ERG: variants seen among roughly 807,000 people sequenced by gnomAD.
ERG encodes the protein transcriptional regulator ERG.
A neutral mutation model predicts 55.3 loss-of-function variants in ERG; 9 were observed. The ratio of observed to expected loss-of-function variants is 0.16; its 90% CI spans 0.10 to 0.28. ERG has a LOEUF of 0.28. Among genes scored for constraint, ERG ranks in the 10% least tolerant of loss-of-function variants. The pLI is 1.00. For synonymous variants in ERG, 223 were observed against 237.3 expected (o/e 0.94, Z 0.55); for missense variants, 434 against 631.6 (o/e 0.69, Z 3.35).
intron 2 of ERG, among the ~76,000 whole-genome samples, chr21:38,567,643 G>A (rs1442039880): frequency 6.6e-6 from 1 of 152,188 alleles, no homozygotes; most frequent in African/African-American, 2.4e-5. Context: ...ACCTTCCTGT[G>A]AAGCACAGTT....
At chr21:38,527,585 T>G (rs868491131) in intron 2 of ERG, among the ~76,000 whole-genome samples, 1 of 152,144 alleles carries the variant, frequency 6.6e-6, no homozygotes, top group South Asian at 2.1e-4. Context: ...GAGGCGTTGA[T>G]TGCAGTTTTC....
chr21:38,655,781 C>T (rs2060515390), intron 1 of ERG, among the ~76,000 whole-genome samples: 2 of 152,148 alleles, frequency 1.3e-5, no homozygotes, highest in Non-Finnish European at 2.9e-5. Flanking sequence ...GACTCTACCT[C>T]AGCATCCAGT....
chr21:38,594,040 A>G (rs914670757), intron 1 of ERG, among the ~76,000 whole-genome samples: 7 of 152,228 alleles, frequency 4.6e-5, no homozygotes, highest in Non-Finnish European at 8.8e-5. Flanking sequence ...ACCAACAGGA[A>G]AAGGTTTCCT....
At chr21:38,450,575 C>T (rs537118020) in intron 1 of ERG, among the ~76,000 whole-genome samples, 6 of 152,188 alleles carry the variant, frequency 3.9e-5, no homozygotes, top group South Asian at 2.1e-4. Flanking sequence ...CATATAACCA[C>T]GCAGAATTTG....
At chr21:38,515,428 A>C (rs2059544518) in intron 2 of ERG, among the ~76,000 whole-genome samples, 1 of 151,942 alleles carries the variant, frequency 6.6e-6, no homozygotes, top group Non-Finnish European at 1.5e-5. Context: ...TTGGATAGGA[A>C]AAAAAATCTC....
At chr21:38,643,230 G>T (rs1394671288) in intron 1 of ERG, among the ~76,000 whole-genome samples, 1 of 152,200 alleles carries the variant, frequency 6.6e-6, no homozygotes, top group Non-Finnish European at 1.5e-5. Flanking sequence ...GTAGCAATCA[G>T]GCAGGATACC....
rs770873914 is a variant in ERG, at chr21:38,445,535, C to T, written c.105G>A (p.Ala35=). The change falls in exon 2 of 10, where the codon GCG becomes GCA. Residue 35 remains alanine, a synonymous_variant. Transcript: ENST00000288319. Reference sequence around the variant, plus strand: ...TCTGTCCATAGTCGCTGGAGGAGGACGCGGTCATCTCTGTCTTAGCCAGGT... The same window carrying T: ...TCTGTCCATAGTCGCTGGAGGAGGATGCGGTCATCTCTGTCTTAGCCAGGT... ...TPHLAKTEMT[A]SSSSDYGQTS... The T allele has an allele frequency of 9.9e-6, 16 of 1,613,968 alleles. No homozygotes were observed. Among genetic ancestry groups the T allele is most frequent in the African/African-American group, 2.7e-5 (2 of 74,898 alleles).
At chr21:38,610,562 G>A (rs1400335769) in intron 1 of ERG, among the ~76,000 whole-genome samples, 2 of 151,450 alleles carry the variant, frequency 1.3e-5, no homozygotes, top group African/African-American at 4.9e-5. Flanking sequence ...TAGCAAGAGG[G>A]GCTTGAATTC....
intron 1 of ERG, among the ~76,000 whole-genome samples, chr21:38,466,101 G>A (rs774674252): frequency 1.6e-4 from 25 of 152,208 alleles, no homozygotes; most frequent in African/African-American, 4.1e-4. Flanking sequence ...TTAAAGCTAC[G>A]TTTAAATTTG....
chr21:38,436,171 T>G (rs2058787814), intron 2 of ERG, among the ~76,000 whole-genome samples: 1 of 151,362 alleles, frequency 6.6e-6, no homozygotes, highest in African/African-American at 2.4e-5. Flanking sequence ...TGGCTAATTT[T>G]TTTTTTAATA....
At chr21:38,498,850 C>T (rs1001617997), upstream of ERG, among the ~76,000 whole-genome samples, 3 of 152,106 alleles carry the variant, frequency 2.0e-5, no homozygotes, top group African/African-American at 7.2e-5. The surrounding 1 kb of genome is among the most constrained non-coding windows in gnomAD (Gnocchi z 4.6). Flanking sequence ...CCTTCGCAGC[C>T]CAATTCTTCG....
chr21:38,541,044 A>T (rs2059748486), intron 2 of ERG, among the ~76,000 whole-genome samples: 1 of 152,086 alleles, frequency 6.6e-6, no homozygotes, highest in African/African-American at 2.4e-5. Flanking sequence ...GTGTGCTGCA[A>T]ATTTCACTAC....
intron 1 of ERG, among the ~76,000 whole-genome samples, chr21:38,632,093 C>T (rs2060360256): frequency 6.6e-6 from 1 of 152,056 alleles, no homozygotes; most frequent in Non-Finnish European, 1.5e-5. Context: ...ATAGTGATTG[C>T]AAAGCAGGAC....
intron 1 of ERG, among the ~76,000 whole-genome samples, chr21:38,644,321 C>T (rs951054717): frequency 1.0e-5 from 1 of 98,170 alleles, no homozygotes; most frequent in African/African-American, 4.1e-5. Context: ...CATACTATAA[C>T]AAGATGGGAA....
chr21:38,551,077 T>C (rs1252375451), intron 2 of ERG, among the ~76,000 whole-genome samples: 2 of 152,228 alleles, frequency 1.3e-5, no homozygotes, highest in Non-Finnish European at 2.9e-5. Flanking sequence ...CTTGGGGTGT[T>C]GTATGTTTCC....
At chr21:38,605,502 T>C (rs1206433957) in intron 1 of ERG, among the ~76,000 whole-genome samples, 1 of 152,040 alleles carries the variant, frequency 6.6e-6, no homozygotes, top group African/African-American at 2.4e-5. Flanking sequence ...ATTACACACA[T>C]GGCCAAGAAC....
intron 2 of ERG, among the ~76,000 whole-genome samples, chr21:38,503,841 C>T (rs1273136248): frequency 6.6e-6 from 1 of 152,206 alleles, no homozygotes; most frequent in Non-Finnish European, 1.5e-5. Flanking sequence ...ACTTTTCCAT[C>T]TGCAGCAGTC....
chr21:38,381,099 G>A lies in ERG; in HGVS notation c.*2304C>T. 1 of 1,064,902 alleles carries A rather than the reference G, an allele frequency of 9.4e-7. No homozygotes were observed. The highest frequency in any genetic ancestry group is 1.1e-6 in the Non-Finnish European group (1 of 879,048). 66.0% of individuals were successfully genotyped at this position (1,064,902 alleles called of 1,614,324 possible). A position where few individuals can be genotyped will look rare whatever the true frequency, so the allele number is the denominator to read the frequency against. ...CTCCGTCTAATCCAAATGACACGGGGTGTCAGGAGCATTGGTAATCGTGTC... is the reference window on the plus strand; with the variant it reads ...CTCCGTCTAATCCAAATGACACGGGATGTCAGGAGCATTGGTAATCGTGTC... On this transcript the variant is annotated 3_prime_UTR_variant, in exon 10 of 10. Transcript: ENST00000288319.
At chr21:38,487,379 C>T (rs893696103) in intron 1 of ERG, among the ~76,000 whole-genome samples, 10 of 152,142 alleles carry the variant, frequency 6.6e-5, no homozygotes, top group South Asian at 2.1e-4. Context: ...GGAAAAAGAA[C>T]GAAGTTTTTA....
Sources: allele counts gnomAD v4.1 joint callset (sites outside exome capture counted in the v4.1 genomes callset), GRCh38; gene constraint gnomAD v4.1.1; non-coding constraint Gnocchi (gnomAD v3.1); transcripts MANE v1.5; gene names NCBI Gene and HGNC (gene_info 2026-07-23, HGNC 2026-07-21).